The following CCDC171 variants were observed in gnomAD, a reference collection of about 807,000 sequenced individuals.
CCDC171 encodes coiled-coil domain containing 171.
CCDC171 carries 177 observed loss-of-function variants against 168.2 expected under a neutral mutation model. That is an observed-to-expected ratio of 1.05 (90% confidence interval 0.93 to 1.19). CCDC171 has a LOEUF of 1.19. Among genes scored for constraint, CCDC171 ranks in the 50% most tolerant of loss-of-function variants. CCDC171 has a pLI of 0.00. For missense variants in CCDC171, 1,991 were observed against 1,539.0 expected (o/e 1.29, Z -4.91); for synonymous variants, 687 against 540.8 (o/e 1.27, Z -3.75).
At chr9:15,947,558 G>A (rs1272995582) in intron 25 of CCDC171, among the ~76,000 whole-genome samples, 2 of 151,988 alleles carry the variant, frequency 1.3e-5, no homozygotes, top group Non-Finnish European at 2.9e-5. Context: ...TTGTAGGGCT[G>A]AATAATATTC....
At chr9:15,836,872 T>C (rs967044530) in intron 21 of CCDC171, among the ~76,000 whole-genome samples, 1 of 152,214 alleles carries the variant, frequency 6.6e-6, no homozygotes, top group African/African-American at 2.4e-5. Context: ...TTTCCCCTCT[T>C]GGAGAAGGAA....
chr9:15,858,232 C>G (rs1359954948), intron 23 of CCDC171, among the ~76,000 whole-genome samples: 3 of 151,868 alleles, frequency 2.0e-5, no homozygotes, highest in Non-Finnish European at 4.4e-5. Flanking sequence ...GTTGGCCAGG[C>G]TGGTCTCAAA....
intron 7 of CCDC171, among the ~76,000 whole-genome samples, chr9:15,634,076 AATG>A (rs1192332206): frequency 3.8e-4 from 58 of 152,264 alleles, no homozygotes; most frequent in Non-Finnish European, 8.8e-5. Flanking sequence ...CCTAATGCTA[AATG>A]ATGAGTTAAT....
chr9:16,103,925 C>G, the CCDC171 span, among the ~76,000 whole-genome samples: 67 of 152,290 alleles, frequency 4.4e-4, no homozygotes, highest in African/African-American at 1.5e-3. Flanking sequence ...CCAGCTTTCT[C>G]TAACTGAATA....
intron 23 of CCDC171, among the ~76,000 whole-genome samples, chr9:15,871,246 C>G (rs2062025887): frequency 6.6e-6 from 1 of 151,428 alleles, no homozygotes. Context: ...TAAAAATGAG[C>G]TGTTAGGCGT....
intron 3 of CCDC171, among the ~76,000 whole-genome samples, chr9:15,983,598 TCTC>T (rs1831874957): frequency 6.6e-6 from 1 of 151,292 alleles, no homozygotes; most frequent in African/African-American, 2.4e-5. Flanking sequence ...GATCCTCAGT[TCTC>T]CTCCCAAAGT....
At chr9:15,627,975 G>T (rs1285142597) in intron 7 of CCDC171, among the ~76,000 whole-genome samples, 2 of 152,160 alleles carry the variant, frequency 1.3e-5, no homozygotes, top group Non-Finnish European at 2.9e-5. Context: ...TAGACCCTAA[G>T]AATCATGGGT....
chr9:15,571,993 T>C (rs186787867), intron 3 of CCDC171, among the ~76,000 whole-genome samples: 19 of 152,318 alleles, frequency 1.2e-4, no homozygotes, highest in Admixed American at 2.6e-4. Flanking sequence ...TTTTAATTAA[T>C]GGGTTCAATT....
At chr9:15,563,372 A>C (rs760393878) in intron 1 of CCDC171, among the ~76,000 whole-genome samples, 1 of 152,088 alleles carries the variant, frequency 6.6e-6, no homozygotes, top group Non-Finnish European at 1.5e-5. Context: ...TCCCGACCTC[A>C]GGTGATCTGC....
rs536648953 is a variant in CCDC171, at chr9:16,016,727, G to C, written n.369-3862G>C. ...CCACTTGGGTCTGCAGAGACATTTG[G>C]ATGCATTGTATTTAAATTTTGTTTT... On this transcript the variant is annotated intron_variant and non_coding_transcript_variant, in intron 3 of 9. Coordinates refer to the CCDC171 transcript ENST00000486641. Among the ~76,000 whole-genome samples the C allele has an allele frequency of 5.3e-5, 8 of 152,276 alleles. No individual in the cohort carries two copies. In the East Asian group the frequency reaches 1.5e-3, roughly 29 times the overall value.
chr9:15,663,690 C>G (rs542225370), intron 8 of CCDC171, among the ~76,000 whole-genome samples: 22 of 148,992 alleles, frequency 1.5e-4, no homozygotes, highest in Admixed American at 4.1e-4. Flanking sequence ...ACTGCAAGCT[C>G]TGCCTCCCAG....
At chr9:15,942,054 T>A (rs1010003902) in intron 25 of CCDC171, among the ~76,000 whole-genome samples, 1 of 151,928 alleles carries the variant, frequency 6.6e-6, no homozygotes, top group Non-Finnish European at 1.5e-5. Context: ...ACCTACTTGA[T>A]TTTTTCCCAA....
chr9:15,959,599 A>G (rs1417033934), intron 25 of CCDC171, among the ~76,000 whole-genome samples: 3 of 152,130 alleles, frequency 2.0e-5, no homozygotes, highest in African/African-American at 4.8e-5. Context: ...CTAGTAGACA[A>G]CCTACTCCAA....
chr9:15,846,288 A>G (rs1315540436), intron 21 of CCDC171, among the ~76,000 whole-genome samples: 1 of 152,050 alleles, frequency 6.6e-6, no homozygotes. Context: ...TCTCAATCAC[A>G]TGCATAGTTT....
chr9:15,809,905 ATTGGTCCATTTTACAGAGAGCTGT>A lies in CCDC171; in HGVS notation c.3267+25219_3267+25242del, dbSNP rs1453981882. 6.6e-5 allele frequency among the ~76,000 whole-genome samples: 10 copies of A among 152,228 alleles called. 1 individual carries two copies. The highest frequency in any genetic ancestry group is 2.1e-4 in the South Asian group (1 of 4,830). On this transcript the variant is annotated intron_variant, in intron 21 of 25. Transcript: ENST00000380701. The stretch of plus-strand genomic sequence containing the variant: ...GATTGGTTCATTTTACAGAGAGATG[ATTGGTCCATTTTACAGAGAGCTGT>A]TTGGTCCGTTTTACAGAGAGCTGAT...
At chr9:15,732,775 A>G (rs1167510962) in intron 16 of CCDC171, among the ~76,000 whole-genome samples, 1 of 152,132 alleles carries the variant, frequency 6.6e-6, no homozygotes. Flanking sequence ...TTGTGTGATC[A>G]TAAATTTTCA....
chr9:15,958,979 C>T (rs1309785800), intron 25 of CCDC171, among the ~76,000 whole-genome samples: 1 of 152,130 alleles, frequency 6.6e-6, no homozygotes, highest in Non-Finnish European at 1.5e-5. Context: ...TGTTCATGTG[C>T]CCTGTCTCTC....
At chr9:15,851,638 G>C (rs1169290130) in intron 23 of CCDC171, among the ~76,000 whole-genome samples, 1 of 151,736 alleles carries the variant, frequency 6.6e-6, no homozygotes, top group Non-Finnish European at 1.5e-5. Context: ...AAAGTGCACA[G>C]TTCAGTGGTT....
At chr9:16,079,969 T>A in the CCDC171 span, among the ~76,000 whole-genome samples, 26 of 152,320 alleles carry the variant, frequency 1.7e-4, no homozygotes, top group Admixed American at 3.3e-4. Context: ...AGTTATCATG[T>A]CACTGTGTGA....
Sources: gnomAD v4.1 joint callset for allele counts (sites outside exome capture counted in the v4.1 genomes callset) on GRCh38, gnomAD v4.1.1 for gene constraint, MANE v1.5 for transcripts, NCBI Gene and HGNC (gene_info 2026-07-23, HGNC 2026-07-21) for gene names.